Variants in HNRNPD observed in about 807,000 individuals in gnomAD.
HNRNPD encodes the protein heterogeneous nuclear ribonucleoprotein D0.
Under a neutral mutation model 47.9 loss-of-function variants are expected in HNRNPD, and 3 were observed. That is an observed-to-expected ratio of 0.06 (90% confidence interval 0.03 to 0.16). The LOEUF (loss-of-function observed/expected upper bound fraction) is 0.16. HNRNPD is among the 10% of genes least tolerant of loss of function. HNRNPD has a pLI of 1.00. For synonymous variants in HNRNPD, 171 were observed against 165.1 expected, an observed-to-expected ratio of 1.04 and a Z score of -0.28; for missense variants, 287 against 454.2, an observed-to-expected ratio of 0.63 and a Z score of 3.35.
chr4:82,372,563 A>G (rs1218105843), intron 1 of HNRNPD, among the ~76,000 whole-genome samples: 1 of 152,176 alleles, frequency 6.6e-6, no homozygotes, highest in Non-Finnish European at 1.5e-5. Flanking sequence ...TTGCACATAA[A>G]AAGTAAGGTA....
At chr4:82,367,855 C>T (rs1191130313) in intron 2 of HNRNPD, among the ~76,000 whole-genome samples, 1 of 152,198 alleles carries the variant, frequency 6.6e-6, no homozygotes, top group East Asian at 1.9e-4. Context: ...GATAAATACA[C>T]ACAAGCTATG....
chr4:82,363,032 ATGTG>A (rs71666730), intron 2 of HNRNPD, among the ~76,000 whole-genome samples: 3 of 149,042 alleles, frequency 2.0e-5, no homozygotes, highest in South Asian at 2.1e-4. Flanking sequence ...TTATATATAT[ATGTG>A]TGTGTGTGTG....
intron 2 of HNRNPD, among the ~76,000 whole-genome samples, chr4:82,362,453 G>C (rs960009426): frequency 9.9e-5 from 15 of 151,348 alleles, no homozygotes; most frequent in Admixed American, 9.2e-4. Flanking sequence ...AATCAAAAAA[G>C]GTTGTTGTTC....
intron 2 of HNRNPD, among the ~76,000 whole-genome samples, chr4:82,362,681 C>T (rs1719530236): frequency 1.3e-5 from 2 of 152,140 alleles, no homozygotes; most frequent in African/African-American, 2.4e-5. Context: ...CAGCTCACTG[C>T]AACCTCTGCC....
intron 2 of HNRNPD, among the ~76,000 whole-genome samples, chr4:82,366,569 T>A (rs1719768628): frequency 6.6e-6 from 1 of 151,102 alleles, no homozygotes; most frequent in African/African-American, 2.4e-5. Flanking sequence ...TAAATAAACT[T>A]TTTTTTTCTT....
At chr4:82,360,231 T>A (rs1455342539) in intron 2 of HNRNPD, among the ~76,000 whole-genome samples, 1 of 152,094 alleles carries the variant, frequency 6.6e-6, no homozygotes. Context: ...TCCATTGAAG[T>A]ACAATCCACT....
rs568658877 is a variant in HNRNPD at position 82,368,182 on chromosome 4, C to T, written c.290+3346G>A. 6.6e-5 allele frequency among the ~76,000 whole-genome samples: 10 copies of T among 152,274 alleles called. No homozygotes were observed. In the South Asian group the frequency reaches 2.1e-3, roughly 32 times the overall value. On this transcript the variant is annotated intron_variant, in intron 2 of 8. Coordinates refer to ENST00000313899, the MANE Select transcript of HNRNPD (RefSeq NM_031370.3). ...CTATTCCTTTTTAAATGCTTTCAAG[C>T]ATGGTATGTATTATGACTTGAAGGC...
At chr4:82,354,176 T>C (rs956452683) in intron 8 of HNRNPD, 22 bp from the exon 9 acceptor site, 8 of 152,330 alleles carry the variant, frequency 5.3e-5, no homozygotes, top group African/African-American at 9.7e-5. Context: ...GAAGAAAAAA[T>C]AGAAGTCACT....
At chr4:82,365,590 G>A (rs566658660) in intron 2 of HNRNPD, among the ~76,000 whole-genome samples, 1 of 151,848 alleles carries the variant, frequency 6.6e-6, no homozygotes, top group African/African-American at 2.4e-5. Flanking sequence ...TTTTAGATCT[G>A]ATCTGGTATA....
chr4:82,373,644 G>C lies in HNRNPD; in HGVS notation c.35C>G (p.Ala12Gly). The C allele has an allele frequency of 3.3e-6, 5 of 1,524,576 alleles. No homozygotes were observed. The highest frequency in any genetic ancestry group is 4.4e-6 in the Non-Finnish European group (5 of 1,142,542). The allele number at this position is 1,524,576 out of a possible 1,614,324, so 94.4% of individuals were successfully genotyped here. Residue 12 changes from alanine (A) to glycine (G), a missense_variant, in exon 1 of 9, where the codon GCG becomes GGG. By Grantham distance (60) the Ala-to-Gly change is moderately conservative. This residue lies in a region of HNRNPD where 161 missense variants were observed against 137.1 expected (regional missense o/e 1.17). Coordinates refer to ENST00000313899, the MANE Select transcript of HNRNPD (RefSeq NM_031370.3). ...GCCTACCGCCGCCGTTGCCGCTGCC[G>C]CCGCCCCGTCCCCGCCGAACTGCTC... ...SEEQFGGDGA[A>G]AAATAAVGGS...
At chr4:82,360,992 G>C (rs891119859) in intron 2 of HNRNPD, among the ~76,000 whole-genome samples, 1 of 152,102 alleles carries the variant, frequency 6.6e-6, no homozygotes. Flanking sequence ...ATGTATTCTA[G>C]AGCTGGGCCA....
chr4:82,370,979 T>TAC (rs72155104), intron 2 of HNRNPD, among the ~76,000 whole-genome samples: 4,561 of 78,236 alleles, frequency 0.058, 82 homozygotes, highest in Middle Eastern at 0.16. Flanking sequence ...ATGGTATATA[T>TAC]ATACACACAC....
intron 3 of HNRNPD, 139 bp from the exon 4 acceptor site, chr4:82,358,959 T>C: frequency 1.5e-6 from 1 of 654,498 alleles, no homozygotes; most frequent in South Asian, 2.1e-5. Context: ...TGTCAAGTCA[T>C]GGTGGTGATG....
chr4:82,373,862 C>T lies in HNRNPD; in HGVS notation c.-184G>A. The T allele has an allele frequency of 7.5e-6, 10 of 1,339,596 alleles. No homozygotes were observed. Among genetic ancestry groups the T allele is most frequent in the East Asian group, 5.8e-5 (2 of 34,494 alleles). The allele number at this position is 1,339,596 out of a possible 1,614,324, so 83.0% of individuals were successfully genotyped here. A position where few individuals can be genotyped will look rare whatever the true frequency, so the allele number is the denominator to read the frequency against. On this transcript the variant is annotated 5_prime_UTR_variant, in exon 1 of 9. Transcript: ENST00000313899. The stretch of plus-strand genomic sequence containing the variant: ...CCTCTCCCTGGCCTGCCCCCTTCGC[C>T]TCCCACTCTCGCGCGGCGCACACTC...
At chr4:82,365,538 G>C (rs1209127229) in intron 2 of HNRNPD, among the ~76,000 whole-genome samples, 1 of 151,776 alleles carries the variant, frequency 6.6e-6, no homozygotes, top group South Asian at 2.1e-4. Context: ...CCTTGGGAGA[G>C]AGCTTGACAA....
intron 2 of HNRNPD, among the ~76,000 whole-genome samples, chr4:82,369,010 G>C (rs73829694): frequency 2.6e-5 from 4 of 152,230 alleles, no homozygotes; most frequent in Admixed American, 6.5e-5. Flanking sequence ...AAGTGAATGG[G>C]GGGACTTTTT....
intron 2 of HNRNPD, among the ~76,000 whole-genome samples, chr4:82,368,272 A>C (rs1053521971): frequency 6.6e-6 from 1 of 152,126 alleles, no homozygotes; most frequent in Admixed American, 6.5e-5. Flanking sequence ...TCAAATGTAT[A>C]CTCAATAGTA....
chr4:82,362,601 T>C (rs943676732), intron 2 of HNRNPD, among the ~76,000 whole-genome samples: 1 of 152,216 alleles, frequency 6.6e-6, no homozygotes, highest in Non-Finnish European at 1.5e-5. Context: ...CATCTTTTTC[T>C]GTTTTTGGTT....
chr4:82,373,246 G>A (rs1249927669), intron 1 of HNRNPD, 200 bp downstream of exon 1: 4 of 754,090 alleles, frequency 5.3e-6, no homozygotes, highest in Admixed American at 2.2e-5. Flanking sequence ...TGTGATGGGG[G>A]AGGGGGGCGA....
Sources: gnomAD v4.1 joint callset for allele counts (sites outside exome capture counted in the v4.1 genomes callset) on GRCh38, gnomAD v4.1.1 for gene constraint, gnomAD v4.1.1 regional missense constraint, MANE v1.5 for transcripts, NCBI Gene and HGNC (gene_info 2026-07-23, HGNC 2026-07-21) for gene names.